The following COL6A5 variants were observed in gnomAD, a reference collection of about 807,000 sequenced individuals.
COL6A5 encodes the protein collagen alpha-5(VI) chain.
COL6A5 carries 48 observed loss-of-function variants against 65.6 expected under a neutral mutation model. That is an observed-to-expected ratio of 0.73 (90% CI 0.58 to 0.93). The LOEUF is 0.93. Among genes scored for constraint, COL6A5 ranks in the 40% least tolerant of loss-of-function variants. The pLI is 0.00. For synonymous variants in COL6A5, 291 were observed against 322.8 expected, an observed-to-expected ratio of 0.90 and a Z score of 1.05; for missense variants, 914 against 928.3, an observed-to-expected ratio of 0.98 and a Z score of 0.20.
At chr3:130,475,265 G>T (rs1002119563) in intron 7 of COL6A5, among the ~76,000 whole-genome samples, 1 of 151,170 alleles carries the variant, frequency 6.6e-6, no homozygotes, top group Admixed American at 6.6e-5. Context: ...ATTGGTAAAA[G>T]ATATAAATGT....
exon 8 of COL6A5, chr3:130,394,927 C>A: frequency 6.4e-7 from 1 of 1,551,200 alleles, no homozygotes; most frequent in Non-Finnish European, 8.7e-7. Flanking sequence ...TTTTCCTTTG[C>A]GATGGCTCTG....
At chr3:130,394,964 A>C in exon 8 of COL6A5, 1 of 1,551,624 alleles carries the variant, frequency 6.4e-7, no homozygotes, top group Non-Finnish European at 8.7e-7. Context: ...AGATTTTGTA[A>C]CCATGACAAC....
At chr3:130,397,551 G>T in intron 8 of COL6A5, 32 bp from the exon 9 acceptor site, 1 of 1,496,470 alleles carries the variant, frequency 6.7e-7, no homozygotes, top group Non-Finnish European at 9.0e-7. Flanking sequence ...CTGTCTACTC[G>T]TTAATCTTGA....
At chr3:130,437,991 T>C (rs1709073998) in intron 1 of COL6A5, among the ~76,000 whole-genome samples, 1 of 152,074 alleles carries the variant, frequency 6.6e-6, no homozygotes, top group African/African-American at 2.4e-5. Flanking sequence ...TTTTTTTGTT[T>C]GCTTTTTTGT....
intron 10 of COL6A5, among the ~76,000 whole-genome samples, chr3:130,400,808 G>T (rs1246877549): frequency 6.6e-6 from 1 of 152,164 alleles, no homozygotes; most frequent in Non-Finnish European, 1.5e-5. Flanking sequence ...TTTATCAGGG[G>T]ATTTCATGCG....
chr3:130,417,738 G>A (rs2107681041), intron 24 of COL6A5, among the ~76,000 whole-genome samples: 1 of 152,268 alleles, frequency 6.6e-6, no homozygotes, highest in Non-Finnish European at 1.5e-5. Flanking sequence ...CCAGGGTCCT[G>A]TGACCTGTGC....
At chr3:130,365,858 C>A (rs2107626718) in intron 1 of COL6A5, among the ~76,000 whole-genome samples, 1 of 152,288 alleles carries the variant, frequency 6.6e-6, no homozygotes, top group Admixed American at 6.5e-5. Context: ...GGGAGTGGGA[C>A]CTGGCATCAA....
At chr3:130,423,994 A>C in intron 29 of COL6A5, 94 bp downstream of exon 29, 1 of 955,096 alleles carries the variant, frequency 1.0e-6, no homozygotes, top group Non-Finnish European at 1.6e-6. Flanking sequence ...CACTGGATTT[A>C]AGTCCAGATT....
exon 11 of COL6A5, chr3:130,401,051 G>A: frequency 2.6e-6 from 4 of 1,549,284 alleles, no homozygotes; most frequent in Non-Finnish European, 3.5e-6. Context: ...TCTGCTGGTA[G>A]TGTCCCTTAA....
At chr3:130,447,854 A>G (rs1328945673) in intron 4 of COL6A5, among the ~76,000 whole-genome samples, 1 of 152,170 alleles carries the variant, frequency 6.6e-6, no homozygotes, top group Non-Finnish European at 1.5e-5. Context: ...TACTGGAGCC[A>G]TCAGTGAACA....
chr3:130,399,549 T>TGGAGTA (rs1936735599), intron 10 of COL6A5, among the ~76,000 whole-genome samples: 1 of 151,662 alleles, frequency 6.6e-6, no homozygotes, highest in South Asian at 2.1e-4. Context: ...TTTTTTTTAT[T>TGGAGTA]TTTAGTAGAG....
chr3:130,425,264 T>C (rs573436561), intron 29 of COL6A5, among the ~76,000 whole-genome samples: 2 of 152,254 alleles, frequency 1.3e-5, no homozygotes, highest in South Asian at 4.1e-4. Flanking sequence ...ATAGGCCACA[T>C]AGACATTCAG....
chr3:130,401,844 A>G (rs983612231), exon 12 of COL6A5: 18 of 1,550,906 alleles, frequency 1.2e-5, no homozygotes, highest in Non-Finnish European at 1.6e-5. Flanking sequence ...CGAGGACTAC[A>G]AGCCATGAAG....
upstream of COL6A5, chr3:130,431,217 T>A (rs974416015): frequency 2.9e-6 from 2 of 682,332 alleles, no homozygotes; most frequent in East Asian, 2.8e-5. Flanking sequence ...CACAGCTGAC[T>A]GATTGATAGT....
intron 1 of COL6A5, among the ~76,000 whole-genome samples, chr3:130,355,485 G>T (rs572203529): frequency 6.6e-6 from 1 of 152,088 alleles, no homozygotes; most frequent in African/African-American, 2.4e-5. Flanking sequence ...GGAAATAAAA[G>T]TTAAAACATT....
At chr3:130,482,513 G>A (rs920780910) in intron 7 of COL6A5, among the ~76,000 whole-genome samples, 2 of 152,138 alleles carry the variant, frequency 1.3e-5, no homozygotes, top group Non-Finnish European at 2.9e-5. Context: ...GCTTAGGGTT[G>A]TCTTGGCTAT....
intron 3 of COL6A5, among the ~76,000 whole-genome samples, chr3:130,378,794 C>A (rs1434550370): frequency 1.5e-5 from 2 of 136,962 alleles, no homozygotes; most frequent in African/African-American, 5.8e-5. Flanking sequence ...TCCCTGATTT[C>A]TTCATGTCTA....
chr3:130,413,474 A>G (rs529596861), intron 20 of COL6A5, 71 bp from the exon 21 acceptor site: 1 of 1,359,038 alleles, frequency 7.4e-7, no homozygotes, highest in African/African-American at 1.4e-5. Flanking sequence ...AGAATGAAAG[A>G]GGCTGATTTG....
At chr3:130,442,973 G>A (rs1709219479) in intron 3 of COL6A5, among the ~76,000 whole-genome samples, 1 of 152,270 alleles carries the variant, frequency 6.6e-6, no homozygotes, top group South Asian at 2.1e-4. Flanking sequence ...ACATCAGGAA[G>A]GGGATAAATA....
Sources: gnomAD v4.1 joint callset for allele counts (sites outside exome capture counted in the v4.1 genomes callset) on GRCh38, gnomAD v4.1.1 for gene constraint, MANE v1.5 for transcripts, NCBI Gene and HGNC (gene_info 2026-07-23, HGNC 2026-07-21) for gene names.